The following ZDHHC1 variants were observed in gnomAD, a reference collection of about 807,000 sequenced individuals.
The protein encoded by ZDHHC1 is zDHHC palmitoyltransferase 1, also known as palmitoyltransferase ZDHHC1.
ZDHHC1 carries 45 observed loss-of-function variants against 46.9 expected under a neutral mutation model. The observed-to-expected ratio is 0.96, with a 90% CI of 0.76 to 1.23. The LOEUF is 1.23. ZDHHC1 is among the 50% of genes most tolerant of loss of function. The probability of loss-of-function intolerance (pLI) is 0.00; values close to 1 mark genes in which losing one functional copy is unlikely to be tolerated. For synonymous variants in ZDHHC1, 291 were observed against 286.0 expected (o/e 1.02, Z -0.18); for missense variants, 649 against 670.8 (o/e 0.97, Z 0.36).
intron 2 of ZDHHC1, among the ~76,000 whole-genome samples, chr16:67,407,150 T>C (rs1007295647): frequency 7.2e-5 from 11 of 152,202 alleles, no homozygotes; most frequent in African/African-American, 2.7e-4. Context: ...CTAACGCCCT[T>C]GGACTCAGAG....
intron 1 of ZDHHC1, among the ~76,000 whole-genome samples, chr16:67,414,100 G>T (rs1389044048): frequency 6.6e-6 from 1 of 152,154 alleles, no homozygotes; most frequent in African/African-American, 2.4e-5. Flanking sequence ...AAGGAAAGGG[G>T]ACAAGTAGGA....
Position 67,403,615 on chromosome 16 carries a change from G to GT in ZDHHC1, c.253-2484dup, listed in dbSNP as rs549234682. Among the ~76,000 whole-genome samples, 1,285 of 143,638 alleles carry GT rather than the reference G, an allele frequency of 8.9e-3. 26 individuals are homozygous for GT. Among genetic ancestry groups the GT allele is most frequent in the Admixed American group, 0.038 (554 of 14,422 alleles). 94.2% of individuals were successfully genotyped at this position (143,638 alleles called of 152,430 possible). A position where few individuals can be genotyped will look rare whatever the true frequency, so the allele number is the denominator to read the frequency against. On this transcript the variant is annotated intron_variant, in intron 3 of 11. Coordinates refer to ENST00000565726, the MANE Select transcript of ZDHHC1 (RefSeq NM_001323627.2). ...TTGAGCCTCATTTCTTTTGTTTTTT[G>GT]TTTTTTTTTTTTGAGACAGGGTCTC...
chr16:67,394,826 G>A lies in ZDHHC1; in HGVS notation c.1233C>T (p.Ala411=). 2 of 1,544,422 alleles carry A rather than the reference G, an allele frequency of 1.3e-6. No individual in the cohort carries two copies. Among genetic ancestry groups the A allele is most frequent in the South Asian group, 1.2e-5 (1 of 83,696 alleles). ...AGTGGTAGGCGCCGGCAGGGCCAGC[G>A]GCGTGCACAGGGCTGGCGTCCGCGG... ...TDSADASPVH[A]AGPAGAYHSA... is the part of the protein sequence containing the mutation. Residue 411 remains alanine, a synonymous_variant, in exon 12 of 12, where the codon GCC becomes GCT. Coordinates refer to ENST00000565726, the MANE Select transcript of ZDHHC1 (RefSeq NM_001323627.2).
intron 4 of ZDHHC1, among the ~76,000 whole-genome samples, chr16:67,399,816 G>A (rs2040514183): frequency 6.6e-6 from 1 of 152,054 alleles, no homozygotes; most frequent in African/African-American, 2.4e-5. Flanking sequence ...CCAGGGAGCT[G>A]CAGACAGCAA....
intron 8 of ZDHHC1, chr16:67,396,344 G>A (rs2040430905): frequency 6.6e-6 from 1 of 152,322 alleles, no homozygotes; most frequent in Non-Finnish European, 1.5e-5. Flanking sequence ...GCCCGGGAAG[G>A]GCGTGGTGCG....
chr16:67,409,604 G>A (rs528005137), intron 1 of ZDHHC1, among the ~76,000 whole-genome samples: 4 of 152,248 alleles, frequency 2.6e-5, no homozygotes, highest in Non-Finnish European at 5.9e-5. Context: ...TAAAAGGGCT[G>A]GGAGGTCGGA....
intron 3 of ZDHHC1, among the ~76,000 whole-genome samples, chr16:67,403,665 A>T (rs1361087146): frequency 6.6e-6 from 1 of 151,364 alleles, no homozygotes; most frequent in Non-Finnish European, 1.5e-5. Context: ...GCTGGAGTGC[A>T]ATGGCGCTAT....
chr16:67,408,959 T>C (rs2040707500), intron 1 of ZDHHC1, among the ~76,000 whole-genome samples: 1 of 152,234 alleles, frequency 6.6e-6, no homozygotes, highest in Non-Finnish European at 1.5e-5. Context: ...CCAGGGCAAT[T>C]ACTTTGAAAG....
At chr16:67,412,450 A>G (rs1567523673) in intron 1 of ZDHHC1, among the ~76,000 whole-genome samples, 2 of 146,292 alleles carry the variant, frequency 1.4e-5, no homozygotes, top group African/African-American at 5.6e-5. Flanking sequence ...CCCTGTTATC[A>G]TGCCAGACAA....
intron 8 of ZDHHC1, 48 bp from the exon 9 acceptor site, chr16:67,395,614 C>G: frequency 6.5e-7 from 1 of 1,535,634 alleles, no homozygotes; most frequent in Non-Finnish European, 8.8e-7. Context: ...GTGTGGCTCC[C>G]GAGCCTGCTG....
chr16:67,410,868 G>A (rs1041170330), intron 1 of ZDHHC1, among the ~76,000 whole-genome samples: 2 of 151,962 alleles, frequency 1.3e-5, no homozygotes, highest in African/African-American at 4.8e-5. Context: ...GTTTCACCAT[G>A]TTGGCCAGGA....
chr16:67,406,128 G>A lies in ZDHHC1; in HGVS notation c.252+72C>T, dbSNP rs2040650458. The A allele has an allele frequency of 6.5e-7, 1 of 1,534,082 alleles. No individual in the cohort carries two copies. The highest frequency in any genetic ancestry group is 8.8e-7 in the Non-Finnish European group (1 of 1,138,710). ...TCCCCAAGGCTCTCAACCCGGCTTT[G>A]GGCCTCCGCTGTGCCAGCCATCCTT... On this transcript the variant is annotated intron_variant, in intron 3 of 11. Transcript: ENST00000565726. The surrounding 1 kb of genome is among the most constrained non-coding windows in gnomAD (Gnocchi z 4.1).
At chr16:67,405,830 C>T (rs2040644124) in intron 3 of ZDHHC1, among the ~76,000 whole-genome samples, 1 of 152,204 alleles carries the variant, frequency 6.6e-6, no homozygotes, top group Non-Finnish European at 1.5e-5. Flanking sequence ...AAAAATTCTT[C>T]GATAGATGGA....
In ZDHHC1 at chr16:67,394,696, G is replaced by A. The variant is rs2040381571; in HGVS notation, c.1363C>T (p.Arg455Trp). Residue 455 changes from arginine to tryptophan, a missense_variant, in exon 12 of 12, where the codon CGG becomes TGG. Transcript: ENST00000565726. ...RGRGRQPTLARQARAPAVFVS... is the reference protein window; with the variant it reads ...RGRGRQPTLAWQARAPAVFVS... ...AAAACGGCGGGCGCACGCGCCTGCC[G>A]CGCCAGCGTGGGCTGTCGGCCCCGG... The A allele has an allele frequency of 7.7e-7, 1 of 1,291,254 alleles. No individual in the cohort carries two copies. Among genetic ancestry groups the A allele is most frequent in the African/African-American group, 1.6e-5 (1 of 64,350 alleles). 80.0% of individuals were successfully genotyped at this position (1,291,254 alleles called of 1,614,324 possible). A position where few individuals can be genotyped will look rare whatever the true frequency, so the allele number is the denominator to read the frequency against.
chr16:67,406,307 G>A lies in ZDHHC1; in HGVS notation c.145C>T (p.His49Tyr), dbSNP rs1436100515. 1.2e-6 allele frequency: 2 copies of A among 1,607,050 alleles called. No homozygotes were observed. The highest frequency in any genetic ancestry group is 1.7e-5 in the Admixed American group (1 of 58,932). The change falls in exon 3 of 12, where the codon CAC becomes TAC. Residue 49 changes from histidine to tyrosine, a missense_variant. By Grantham distance (83) the His-to-Tyr change is moderately conservative. Coordinates refer to ENST00000565726, the MANE Select transcript of ZDHHC1 (RefSeq NM_001323627.2). The surrounding 1 kb of genome is among the most constrained non-coding windows in gnomAD (Gnocchi z 4.1). The stretch of plus-strand genomic sequence containing the variant: ...AGCCAGGCCACAATCTGGAGCGGGT[G>A]AGGGGGCCAGCTCCACCCATTCCGG... ...SRRNGWSWPP[H>Y]PLQIVAWLLY... is the part of the protein sequence containing the mutation.
At position 67,400,945 on chromosome 16, in the gene ZDHHC1, A is replaced by C. The variant is rs375116424; in HGVS notation, c.428+12T>G. On this transcript the variant is annotated intron_variant, in intron 4 of 11. Coordinates refer to ENST00000565726, the MANE Select transcript of ZDHHC1 (RefSeq NM_001323627.2). ...GCACACTCGGCAGCCACAAGCACCC[A>C]CACACACTCACACATCCACGTTGCA... The C allele has an allele frequency of 2.4e-4, 383 of 1,612,468 alleles. No individual in the cohort carries two copies. The highest frequency in any genetic ancestry group is 3.2e-4 in the Non-Finnish European group (374 of 1,179,312).
chr16:67,401,649 G>A lies in ZDHHC1; in HGVS notation c.253-517C>T, dbSNP rs936105473. Among the ~76,000 whole-genome samples the A allele has an allele frequency of 2.6e-5, 4 of 152,126 alleles. No homozygotes were observed. Among genetic ancestry groups the A allele is most frequent in the Non-Finnish European group, 5.9e-5 (4 of 68,014 alleles). On this transcript the variant is annotated intron_variant, in intron 3 of 11. Transcript: ENST00000565726. The surrounding 1 kb of genome is among the most constrained non-coding windows in gnomAD (Gnocchi z 4.6). ...CAGATGGAGAACCCCTTGCAGACAC[G>A]GATTCGGACACTTGCTACCTCCCCT...
At position 67,399,516 on chromosome 16, in the gene ZDHHC1, C is replaced by T. The variant is rs1041938377; in HGVS notation, c.429-60G>A. 9.5e-6 allele frequency: 14 copies of T among 1,470,128 alleles called. No homozygotes were observed. In the African/African-American group the frequency reaches 9.8e-5, roughly 10 times the overall value. The allele number at this position is 1,470,128 out of a possible 1,614,324, so 91.1% of individuals were successfully genotyped here. ...CTCATTCCCCGCTCTGCGGCCCGGC[C>T]GGTCGGGGTGGTTGAGTGGGGTCTG... On this transcript the variant is annotated intron_variant, in intron 4 of 11. Coordinates refer to ENST00000565726, the MANE Select transcript of ZDHHC1 (RefSeq NM_001323627.2).
At chr16:67,398,347 C>G (rs1270531231) in intron 7 of ZDHHC1, 23 bp from the exon 8 acceptor site, 1 of 1,605,684 alleles carries the variant, frequency 6.2e-7, no homozygotes, top group Non-Finnish European at 8.5e-7. Context: ...GGAGAGGGCT[C>G]AGTGCGGTGG....
Sources: allele counts gnomAD v4.1 joint callset (sites outside exome capture counted in the v4.1 genomes callset), GRCh38; gene constraint gnomAD v4.1.1; non-coding constraint Gnocchi (gnomAD v3.1); transcripts MANE v1.5; gene names NCBI Gene and HGNC (gene_info 2026-07-23, HGNC 2026-07-21).